The following AK4 variants were observed in gnomAD, a reference collection of about 807,000 sequenced individuals.
AK4 encodes adenylate kinase 4.
In AK4, 13 loss-of-function variants were observed where a neutral mutation model predicts 24.6. The ratio of observed to expected loss-of-function variants is 0.53; its 90% CI spans 0.34 to 0.84. The LOEUF (loss-of-function observed/expected upper bound fraction) is 0.84. Ranked by LOEUF, AK4 falls within the 40% of genes least tolerant of loss-of-function variation. The pLI, the probability that AK4 is intolerant of heterozygous loss-of-function variation, is 0.01. For synonymous variants in AK4, 88 were observed against 107.0 expected, an observed-to-expected ratio of 0.82 and a Z score of 1.10; for missense variants, 192 against 288.2, an observed-to-expected ratio of 0.67 and a Z score of 2.42.
intron 1 of AK4, among the ~76,000 whole-genome samples, chr1:65,179,698 G>A (rs1226445542): frequency 6.6e-6 from 1 of 152,102 alleles, no homozygotes; most frequent in African/African-American, 2.4e-5. Flanking sequence ...AGCCAGGCAT[G>A]GTGGCATGTG....
chr1:65,181,988 T>C (rs868444886), intron 1 of AK4, among the ~76,000 whole-genome samples: 8 of 152,120 alleles, frequency 5.3e-5, no homozygotes, highest in Admixed American at 1.3e-4. Context: ...CAGTCATAGC[T>C]TGCTGCACCC....
At chr1:65,220,720 C>T (rs1025874098) in intron 3 of AK4, among the ~76,000 whole-genome samples, 7 of 152,202 alleles carry the variant, frequency 4.6e-5, no homozygotes, top group Admixed American at 3.9e-4. Flanking sequence ...AAGTGATCCA[C>T]CTGCCTTGGC....
chr1:65,163,409 A>G (rs970895208), intron 1 of AK4, among the ~76,000 whole-genome samples: 1 of 152,244 alleles, frequency 6.6e-6, no homozygotes, highest in African/African-American at 2.4e-5. Context: ...AAAAAGAGAA[A>G]TGACTACAGA....
rs536508524 is a variant in AK4 at position 65,200,994 on chromosome 1, A to G, written c.265+10165A>G. On this transcript the variant is annotated intron_variant, in intron 2 of 4. Transcript: ENST00000327299. ...TGTTTAGTAGAGACGGGGTTTCGCCATGTTGGCCAGGATAGTCTCCATCTC... is the reference window on the plus strand; with the variant it reads ...TGTTTAGTAGAGACGGGGTTTCGCCGTGTTGGCCAGGATAGTCTCCATCTC... 3.4e-4 allele frequency among the ~76,000 whole-genome samples: 51 copies of G among 152,158 alleles called. 2 individuals are homozygous for G. The South Asian group carries it at 9.7e-3, about 29-fold the overall frequency.
At chr1:65,197,807 C>T (rs529903914) in intron 2 of AK4, among the ~76,000 whole-genome samples, 32 of 152,272 alleles carry the variant, frequency 2.1e-4, no homozygotes, top group African/African-American at 7.5e-4. Flanking sequence ...CTTATCCTCT[C>T]CACATTTTTC....
chr1:65,152,354 C>CTA lies in AK4; in HGVS notation c.145+3803_145+3804insAT, dbSNP rs1649808921. 6.6e-3 allele frequency among the ~76,000 whole-genome samples: 250 copies of CTA among 37,972 alleles called. 1 individual carries two copies. Among genetic ancestry groups the CTA allele is most frequent in the African/African-American group, 0.02 (168 of 8,330 alleles). 24.9% of individuals were successfully genotyped at this position (37,972 alleles called of 152,430 possible). On this transcript the variant is annotated intron_variant, in intron 1 of 4. Coordinates refer to ENST00000327299, the MANE Select transcript of AK4 (RefSeq NM_013410.4). ...TCTCTCTCTCTCTCTCTCTCTCTCT[C>CTA]TCTCTCTATATATATATATATATAT...
At position 65,183,186 on chromosome 1, in the gene AK4, A is replaced by G. The variant is rs538109416; in HGVS notation, c.146-7524A>G. On this transcript the variant is annotated intron_variant, in intron 1 of 4. Transcript: ENST00000327299. ...ACAGTGTACCTTTTTTTTTCTTCCC[A>G]TTTCAGGACCAAAATCAGCCTTTTG... Among the ~76,000 whole-genome samples, 113 of 151,946 alleles carry G rather than the reference A, an allele frequency of 7.4e-4. 1 individual carries two copies. Among genetic ancestry groups the G allele is most frequent in the African/African-American group, 2.7e-3 (110 of 41,476 alleles).
intron 1 of AK4, among the ~76,000 whole-genome samples, chr1:65,154,945 G>A (rs1485796773): frequency 6.6e-6 from 1 of 151,492 alleles, no homozygotes; most frequent in East Asian, 2.0e-4. Context: ...CTGCCTCCCA[G>A]GTTCAAGCAA....
intron 2 of AK4, among the ~76,000 whole-genome samples, chr1:65,194,779 A>G (rs762331158): frequency 4.5e-4 from 69 of 152,158 alleles, no homozygotes; most frequent in Middle Eastern, 3.2e-3. Context: ...AGTAATTTCT[A>G]AGAAGATTCA....
At chr1:65,148,138 T>G, upstream of AK4, 1 of 594,430 alleles carries the variant, frequency 1.7e-6, no homozygotes, top group East Asian at 4.0e-5. Context: ...CAGCTTTGCG[T>G]GGGGGCGAGG....
At chr1:65,207,123 T>A (rs1348867109) in intron 2 of AK4, among the ~76,000 whole-genome samples, 2 of 152,222 alleles carry the variant, frequency 1.3e-5, no homozygotes, top group East Asian at 3.8e-4. Context: ...GGAGTACTTA[T>A]CTTCTGCTTA....
At chr1:65,159,814 A>G (rs1317281740) in intron 1 of AK4, among the ~76,000 whole-genome samples, 2 of 152,012 alleles carry the variant, frequency 1.3e-5, no homozygotes, top group South Asian at 4.2e-4. Flanking sequence ...CTAAAAATAC[A>G]AAAATTAGCT....
rs1051416681 is a variant in AK4, at chr1:65,229,237, T to G, written c.*3060T>G. 1.3e-5 allele frequency: 2 copies of G among 152,146 alleles called. No homozygotes were observed. Among genetic ancestry groups the G allele is most frequent in the African/African-American group, 4.8e-5 (2 of 41,434 alleles). The allele number at this position is 152,146 out of a possible 1,614,324, so 9.4% of individuals were successfully genotyped here. On this transcript the variant is annotated 3_prime_UTR_variant, in exon 5 of 5. Transcript: ENST00000327299. ...GGGCCTTGAGTCTGCTTGGTTCTGCTTATGGCCTCACATCAAGAAATGGAG... is the reference window on the plus strand; with the variant it reads ...GGGCCTTGAGTCTGCTTGGTTCTGCGTATGGCCTCACATCAAGAAATGGAG...
chr1:65,178,498 A>G (rs1650791696), intron 1 of AK4, among the ~76,000 whole-genome samples: 1 of 152,242 alleles, frequency 6.6e-6, no homozygotes, highest in Admixed American at 6.5e-5. Flanking sequence ...CAAAGGGAAC[A>G]CCTCTGTAGT....
At chr1:65,193,935 G>A (rs1382881930) in intron 2 of AK4, among the ~76,000 whole-genome samples, 1 of 152,030 alleles carries the variant, frequency 6.6e-6, no homozygotes, top group Non-Finnish European at 1.5e-5. Flanking sequence ...ACCTCATCTC[G>A]ACAAAAATTA....
intron 1 of AK4, among the ~76,000 whole-genome samples, chr1:65,188,374 G>GGC (rs1651172959): frequency 8.4e-6 from 1 of 119,694 alleles, no homozygotes; most frequent in Non-Finnish European, 1.7e-5. Flanking sequence ...CAGCCTGGGT[G>GGC]ACAGTGAGAC....
Position 65,158,583 on chromosome 1 carries a change from C to T in AK4, c.145+10031C>T, listed in dbSNP as rs1465301556. 2.6e-5 allele frequency among the ~76,000 whole-genome samples: 4 copies of T among 152,296 alleles called. No homozygotes were observed. In the East Asian group the frequency reaches 7.7e-4, roughly 29 times the overall value. ...TGGTGTGATCTTGGCTCACTGCAAC[C>T]TCTGCCTCCTGGGTTCAAGCGATTC... On this transcript the variant is annotated intron_variant, in intron 1 of 4. Coordinates refer to ENST00000327299, the MANE Select transcript of AK4 (RefSeq NM_013410.4).
intron 1 of AK4, among the ~76,000 whole-genome samples, chr1:65,161,969 C>T (rs115509793): frequency 0.015 from 2,342 of 152,200 alleles, 65 homozygotes; most frequent in African/African-American, 0.054. Flanking sequence ...GGTAGCAGGC[C>T]GGGCACGGTG....
At chr1:65,208,401 A>C (rs1330206124) in intron 2 of AK4, among the ~76,000 whole-genome samples, 5 of 152,212 alleles carry the variant, frequency 3.3e-5, no homozygotes, top group Non-Finnish European at 7.3e-5. Context: ...TAAGGCTTCC[A>C]GTTGGTGATG....
Sources: allele counts gnomAD v4.1 joint callset (sites outside exome capture counted in the v4.1 genomes callset), GRCh38; gene constraint gnomAD v4.1.1; transcripts MANE v1.5; gene names NCBI Gene and HGNC (gene_info 2026-07-23, HGNC 2026-07-21).